The following FAM210A variants were observed in gnomAD, a reference collection of about 807,000 sequenced individuals.
FAM210A encodes family with sequence similarity 210 member A.
FAM210A carries 13 observed loss-of-function variants against 25.3 expected under a neutral mutation model. That is an observed-to-expected ratio of 0.51 (90% CI 0.33 to 0.82). FAM210A has a LOEUF of 0.82. Ranked by LOEUF, FAM210A falls within the 40% of genes least tolerant of loss-of-function variation. FAM210A has a pLI of 0.02. For missense variants in FAM210A, 319 were observed against 323.2 expected, an observed-to-expected ratio of 0.99 and a Z score of 0.10; for synonymous variants, 125 against 118.7, an observed-to-expected ratio of 1.05 and a Z score of -0.35.
intron 2 of FAM210A, among the ~76,000 whole-genome samples, chr18:13,678,716 C>T (rs1035179390): frequency 6.6e-5 from 10 of 152,228 alleles, no homozygotes; most frequent in Admixed American, 5.9e-4. Flanking sequence ...TCACTTTCTA[C>T]TCTGAAGTGC....
At position 13,704,591 on chromosome 18, in the gene FAM210A, C is replaced by A. The variant is rs1419925109; in HGVS notation, c.-29+21738G>T. Among the ~76,000 whole-genome samples, 4 of 152,262 alleles carry A rather than the reference C, an allele frequency of 2.6e-5. No individual in the cohort carries two copies. The East Asian group carries it at 7.7e-4, about 29-fold the overall frequency. On this transcript the variant is annotated intron_variant, in intron 1 of 3. Coordinates refer to ENST00000651643, the MANE Select transcript of FAM210A (RefSeq NM_152352.4). Reference sequence around the variant, plus strand: ...TCAGCTTCAAAATTGTCTTTTCTAACTTCTAACTTTGGGATACTACAGAGG... The same window carrying A: ...TCAGCTTCAAAATTGTCTTTTCTAAATTCTAACTTTGGGATACTACAGAGG...
intron 1 of FAM210A, among the ~76,000 whole-genome samples, chr18:13,686,774 AAATT>A (rs1316284010): frequency 1.3e-5 from 2 of 152,218 alleles, no homozygotes; most frequent in Non-Finnish European, 2.9e-5. Flanking sequence ...ATGGAATCAA[AAATT>A]AATATCCTTT....
chr18:13,715,314 C>T (rs1013761573), intron 1 of FAM210A: 5 of 152,290 alleles, frequency 3.3e-5, no homozygotes, highest in African/African-American at 1.2e-4. Flanking sequence ...CACTACAGCC[C>T]AGAACTCCTG....
intron 1 of FAM210A, among the ~76,000 whole-genome samples, chr18:13,690,269 G>A (rs1005307750): frequency 6.6e-6 from 1 of 152,254 alleles, no homozygotes; most frequent in Non-Finnish European, 1.5e-5. Context: ...CTCGAACTGG[G>A]TGGAGTCCAT....
intron 2 of FAM210A, among the ~76,000 whole-genome samples, chr18:13,677,056 T>C (rs1487402138): frequency 6.7e-6 from 1 of 148,422 alleles, no homozygotes; most frequent in Admixed American, 6.7e-5. Flanking sequence ...GAGTGAGCAA[T>C]TCCTGTCCCT....
chr18:13,684,546 C>T (rs977482730), intron 1 of FAM210A, among the ~76,000 whole-genome samples: 2 of 151,880 alleles, frequency 1.3e-5, no homozygotes, highest in African/African-American at 4.8e-5. Context: ...ATATACCTAA[C>T]GAGAGGATCA....
At chr18:13,694,113 C>A (rs530615772) in intron 1 of FAM210A, among the ~76,000 whole-genome samples, 8 of 152,326 alleles carry the variant, frequency 5.3e-5, no homozygotes, top group Non-Finnish European at 1.0e-4. Flanking sequence ...CATGAGTGAA[C>A]TTCCATTCAC....
At chr18:13,685,099 C>T (rs2043585668) in intron 1 of FAM210A, among the ~76,000 whole-genome samples, 1 of 152,130 alleles carries the variant, frequency 6.6e-6, no homozygotes, top group African/African-American at 2.4e-5. Flanking sequence ...GTCCAAATTC[C>T]TATCTAAGGG....
rs2043503023 is a variant in FAM210A at position 13,676,420 on chromosome 18, GATTATTA to G, written c.474-4454_474-4448del. The stretch of plus-strand genomic sequence containing the variant: ...CTGGCTTCTTTATTTCCAGTTTCCT[GATTATTA>G]ACAGTCCTGAGCCCCTGACCTCTTT... On this transcript the variant is annotated intron_variant, in intron 2 of 3. Transcript: ENST00000651643. Among the ~76,000 whole-genome samples, 5 of 120,866 alleles carry G rather than the reference GATTATTA, an allele frequency of 4.1e-5. 1 individual carries two copies. Among genetic ancestry groups the G allele is most frequent in the African/African-American group, 5.8e-5 (2 of 34,298 alleles). 79.3% of individuals were successfully genotyped at this position (120,866 alleles called of 152,430 possible). A position where few individuals can be genotyped will look rare whatever the true frequency, so the allele number is the denominator to read the frequency against.
chr18:13,684,911 CT>C (rs377289926), intron 1 of FAM210A, among the ~76,000 whole-genome samples: 20 of 151,626 alleles, frequency 1.3e-4, no homozygotes, highest in Admixed American at 6.6e-4. Context: ...TAGCCGGGAA[CT>C]CCCCCCACTC....
chr18:13,684,481 A>C (rs2043579917), intron 1 of FAM210A, among the ~76,000 whole-genome samples: 1 of 152,198 alleles, frequency 6.6e-6, no homozygotes, highest in Non-Finnish European at 1.5e-5. Flanking sequence ...AGAGTTAAAG[A>C]GGGGCACTGT....
intron 1 of FAM210A, among the ~76,000 whole-genome samples, chr18:13,705,982 CCA>C (rs975771427): frequency 6.6e-6 from 1 of 152,144 alleles, no homozygotes; most frequent in African/African-American, 2.4e-5. Context: ...AGTTATTATG[CCA>C]CAGTGTATTT....
chr18:13,725,394 C>T (rs2043932455), intron 1 of FAM210A, among the ~76,000 whole-genome samples: 1 of 152,178 alleles, frequency 6.6e-6, no homozygotes, highest in African/African-American at 2.4e-5. Context: ...CTCAAATGGG[C>T]TAATGCCCAC....
chr18:13,719,219 C>T (rs1022349646), intron 1 of FAM210A, among the ~76,000 whole-genome samples: 1 of 40,148 alleles, frequency 2.5e-5, no homozygotes, highest in Non-Finnish European at 4.8e-5. Flanking sequence ...AGTCAAATTA[C>T]AATGCAGCTT....
At chr18:13,678,329 G>A (rs191925658) in intron 2 of FAM210A, among the ~76,000 whole-genome samples, 137 of 152,072 alleles carry the variant, frequency 9.0e-4, no homozygotes, top group African/African-American at 3.1e-3. Flanking sequence ...GGAGTGCAAT[G>A]GTGAGATCTC....
intron 3 of FAM210A, among the ~76,000 whole-genome samples, chr18:13,671,546 A>T (rs2043442289): frequency 1.3e-5 from 2 of 152,018 alleles, no homozygotes; most frequent in Non-Finnish European, 1.5e-5. Flanking sequence ...TTTTACTTCC[A>T]CTTTATTTTG....
chr18:13,698,173 T>G (rs1233067002), intron 1 of FAM210A, among the ~76,000 whole-genome samples: 1 of 151,748 alleles, frequency 6.6e-6, no homozygotes, highest in Non-Finnish European at 1.5e-5. Flanking sequence ...CCCAACATGG[T>G]AAAACCCTGT....
At chr18:13,718,696 G>GA (rs1601971210) in intron 1 of FAM210A, among the ~76,000 whole-genome samples, 1 of 151,992 alleles carries the variant, frequency 6.6e-6, no homozygotes, top group South Asian at 2.1e-4. Context: ...TAAATTTATT[G>GA]TTACTAGTTA....
chr18:13,681,001 G>A (rs561556779), intron 2 of FAM210A, among the ~76,000 whole-genome samples: 66 of 152,124 alleles, frequency 4.3e-4, no homozygotes, highest in Middle Eastern at 3.4e-3. Flanking sequence ...ACTGGACTTG[G>A]GTAATATCAA....
Sources: gnomAD v4.1 joint callset for allele counts (sites outside exome capture counted in the v4.1 genomes callset) on GRCh38, gnomAD v4.1.1 for gene constraint, MANE v1.5 for transcripts, NCBI Gene and HGNC (gene_info 2026-07-23, HGNC 2026-07-21) for gene names.